TTLL11: variants seen among roughly 807,000 people sequenced by gnomAD.
TTLL11 encodes the protein tubulin polyglutamylase TTLL11.
In TTLL11, 42 loss-of-function variants were observed where a neutral mutation model predicts 51.7. That is an observed-to-expected ratio of 0.81 (90% CI 0.64 to 1.05). The LOEUF (loss-of-function observed/expected upper bound fraction) is 1.05, where lower values mean the gene tolerates loss of function less well. Ranked by LOEUF, TTLL11 falls within the 50% of genes least tolerant of loss-of-function variation. TTLL11 has a pLI of 0.00. For missense variants in TTLL11, 799 were observed against 940.4 expected, an observed-to-expected ratio of 0.85 and a Z score of 1.97; for synonymous variants, 381 against 383.5, an observed-to-expected ratio of 0.99 and a Z score of 0.08.
intron 6 of TTLL11, among the ~76,000 whole-genome samples, chr9:121,969,470 C>T (rs978791421): frequency 1.3e-5 from 2 of 152,032 alleles, no homozygotes; most frequent in Non-Finnish European, 2.9e-5. Context: ...GGGTCTGGGG[C>T]TCCTTCTGAG....
At chr9:121,906,344 TAAAA>T (rs10573918) in intron 6 of TTLL11, among the ~76,000 whole-genome samples, 80,676 of 151,578 alleles carry the variant, frequency 0.53, 25,417 homozygotes, top group Non-Finnish European at 0.7. Context: ...TAATAATTTT[TAAAA>T]AAAAAAAAAT....
chr9:121,904,263 G>A (rs969831322), intron 6 of TTLL11, among the ~76,000 whole-genome samples: 7 of 149,528 alleles, frequency 4.7e-5, no homozygotes, highest in South Asian at 2.1e-4. Context: ...TGCAACCTCC[G>A]CCTCCCGGGT....
At chr9:122,019,381 G>A (rs12348740) in intron 3 of TTLL11, among the ~76,000 whole-genome samples, 6,693 of 151,952 alleles carry the variant, frequency 0.044, 173 homozygotes, top group African/African-American at 0.074. Flanking sequence ...CTTTACCTTG[G>A]CATTCAAGAC....
At chr9:121,858,016 T>A (rs2131376814) in intron 8 of TTLL11, among the ~76,000 whole-genome samples, 2 of 152,116 alleles carry the variant, frequency 1.3e-5, no homozygotes, top group Middle Eastern at 3.4e-3. Flanking sequence ...AGCAAACACT[T>A]CTTTGCTTTC....
At chr9:122,000,685 C>T (rs188827596) in intron 3 of TTLL11, among the ~76,000 whole-genome samples, 1 of 152,148 alleles carries the variant, frequency 6.6e-6, no homozygotes, top group Non-Finnish European at 1.5e-5. Context: ...ATGAATAATC[C>T]ACCCTTTGTT....
intron 7 of TTLL11, 24 bp downstream of exon 7, chr9:121,870,473 C>A: frequency 6.5e-7 from 1 of 1,546,050 alleles, no homozygotes. Context: ...AAAGCCCAAG[C>A]CAGAGGGGGC....
Position 121,995,628 on chromosome 9 carries a change from A to G in TTLL11, c.694-5858T>C, listed in dbSNP as rs966504969. Among the ~76,000 whole-genome samples, 2 of 152,102 alleles carry G rather than the reference A, an allele frequency of 1.3e-5. No individual in the cohort carries two copies. Among genetic ancestry groups the G allele is most frequent in the African/African-American group, 2.4e-5 (1 of 41,402 alleles). On this transcript the variant is annotated intron_variant, in intron 3 of 8. Coordinates refer to ENST00000321582, the MANE Select transcript of TTLL11 (RefSeq NM_001139442.2). The surrounding 1 kb of genome is among the most constrained non-coding windows in gnomAD (Gnocchi z 4.4). ...CAGGTCTCATTGAAGGAAAGTGGGG[A>G]CAAGGAGAGGAGGAATTCACTTCAT... is the stretch of plus-strand genomic sequence containing the variant.
chr9:122,036,206 C>A (rs1013432029), intron 2 of TTLL11, among the ~76,000 whole-genome samples: 2 of 151,984 alleles, frequency 1.3e-5, no homozygotes, highest in African/African-American at 4.8e-5. Flanking sequence ...GTCTTTATAG[C>A]CCCAGAGCCC....
At chr9:121,924,156 A>C (rs1340136402) in intron 6 of TTLL11, among the ~76,000 whole-genome samples, 2 of 152,196 alleles carry the variant, frequency 1.3e-5, no homozygotes, top group Admixed American at 1.3e-4. Context: ...ACGAAAACGG[A>C]CTAATATAAG....
intron 4 of TTLL11, among the ~76,000 whole-genome samples, chr9:121,979,698 G>A (rs1459159550): frequency 2.0e-5 from 3 of 152,010 alleles, no homozygotes; most frequent in Non-Finnish European, 4.4e-5. Flanking sequence ...TGACACAAGG[G>A]GCTGCCAGAG....
At chr9:121,963,052 C>T (rs1842286821) in intron 6 of TTLL11, among the ~76,000 whole-genome samples, 1 of 152,214 alleles carries the variant, frequency 6.6e-6, no homozygotes, top group African/African-American at 2.4e-5. Context: ...AAATCTCAGT[C>T]TGTCTCTCAT....
chr9:121,981,013 G>A (rs1842814085), intron 4 of TTLL11, among the ~76,000 whole-genome samples: 1 of 152,078 alleles, frequency 6.6e-6, no homozygotes, highest in South Asian at 2.1e-4. Context: ...ATTATAATCT[G>A]GGGGGAGTGT....
chr9:122,045,736 A>G (rs952304599), intron 1 of TTLL11, among the ~76,000 whole-genome samples: 1 of 152,244 alleles, frequency 6.6e-6, no homozygotes, highest in African/African-American at 2.4e-5. Flanking sequence ...AAGGAAGGAA[A>G]TTCTTCTACA....
At chr9:121,899,365 G>GTATATATATATACATATATA (rs1468034030) in intron 6 of TTLL11, among the ~76,000 whole-genome samples, 7 of 113,244 alleles carry the variant, frequency 6.2e-5, no homozygotes, top group African/African-American at 2.3e-4. Context: ...ATGTGTGTGT[G>GTATATATATATACATATATA]TATATATATA....
At chr9:122,012,370 T>C (rs1284800945) in intron 3 of TTLL11, among the ~76,000 whole-genome samples, 2 of 152,006 alleles carry the variant, frequency 1.3e-5, no homozygotes, top group South Asian at 2.1e-4. Context: ...ACCTTTAAAA[T>C]AGACTGTCCC....
Position 122,031,834 on chromosome 9 carries a change from T to G in TTLL11, c.582A>C (p.Lys194Asn). Residue 194 changes from lysine (K) to asparagine (N), a missense_variant, in exon 3 of 9, where the codon AAA becomes AAC. Around this residue, in one of 3 missense-constraint regions of TTLL11, gnomAD observed 468 missense variants for 612.8 expected, o/e 0.76. Coordinates refer to ENST00000321582, the MANE Select transcript of TTLL11 (RefSeq NM_001139442.2). ...KFPGMTEMVR[K>N]ITLSRAVRTM... ...TTCTCACTGCTCTGCTCAGAGTAAT[T>G]TTACGCACCATCTCCGTCATGCCTG... 6.2e-7 allele frequency: 1 copy of G among 1,613,412 alleles called. No individual in the cohort carries two copies. The highest frequency in any genetic ancestry group is 8.5e-7 in the Non-Finnish European group (1 of 1,179,634).
intron 6 of TTLL11, among the ~76,000 whole-genome samples, chr9:121,896,124 G>C (rs909104908): frequency 1.3e-5 from 2 of 152,034 alleles, no homozygotes; most frequent in African/African-American, 4.8e-5. Flanking sequence ...GAGTGTGTGT[G>C]CTCCGCCATC....
chr9:122,074,131 A>T (rs1257408170), intron 1 of TTLL11, among the ~76,000 whole-genome samples: 1 of 152,134 alleles, frequency 6.6e-6, no homozygotes, highest in Non-Finnish European at 1.5e-5. Context: ...AAAATTAGCC[A>T]GGTGTGGTGG....
intron 6 of TTLL11, among the ~76,000 whole-genome samples, chr9:121,895,091 CTAAA>C (rs1216134442): frequency 1.3e-5 from 2 of 152,062 alleles, no homozygotes; most frequent in East Asian, 1.9e-4. Flanking sequence ...AGACAGGGGA[CTAAA>C]TAAAGATATA....
Sources: gnomAD v4.1 joint callset for allele counts (sites outside exome capture counted in the v4.1 genomes callset) on GRCh38, gnomAD v4.1.1 for gene constraint, gnomAD v4.1.1 regional missense constraint, Gnocchi (gnomAD v3.1) non-coding constraint, MANE v1.5 for transcripts, NCBI Gene and HGNC (gene_info 2026-07-23, HGNC 2026-07-21) for gene names.